Variants in PDLIM3 observed in about 807,000 individuals in gnomAD.
PDLIM3 encodes the protein PDZ and LIM domain 3.
PDLIM3 carries 36 observed loss-of-function variants against 37.3 expected under a neutral mutation model. The ratio of observed to expected loss-of-function variants is 0.97; its 90% confidence interval spans 0.74 to 1.28. PDLIM3 has a LOEUF of 1.28. PDLIM3 is among the 50% of genes most tolerant of loss of function. PDLIM3 has a pLI of 0.00. For synonymous variants in PDLIM3, 174 were observed against 182.4 expected (o/e 0.95, Z 0.37); for missense variants, 454 against 485.0 (o/e 0.94, Z 0.60).
chr4:185,524,826 C>CT (rs1223988300), intron 2 of PDLIM3, among the ~76,000 whole-genome samples, 194 bp downstream of exon 2: 1 of 152,080 alleles, frequency 6.6e-6, no homozygotes, highest in Non-Finnish European at 1.5e-5. Flanking sequence ...CCAGAGAATC[C>CT]TTTTTAGAAA....
At chr4:185,508,760 T>A (rs191445281) in intron 4 of PDLIM3, among the ~76,000 whole-genome samples, 198 bp from the exon 5 acceptor site, 37 of 152,380 alleles carry the variant, frequency 2.4e-4, no homozygotes, top group African/African-American at 8.7e-4. Flanking sequence ...AAATTCATGA[T>A]TGAAAAAAGT....
intron 1 of PDLIM3, among the ~76,000 whole-genome samples, chr4:185,527,746 TTTTC>T (rs1172693839): frequency 1.3e-5 from 2 of 152,194 alleles, no homozygotes; most frequent in East Asian, 1.9e-4. Context: ...ACTAGAATAA[TTTTC>T]TTTGAGTTAA....
Position 185,523,402 on chromosome 4 carries a change from T to G in PDLIM3, c.290A>C (p.Lys97Thr), listed in dbSNP as rs1354733261. 19 of 1,612,538 alleles carry G rather than the reference T, an allele frequency of 1.2e-5. No individual in the cohort carries two copies. The highest frequency in any genetic ancestry group is 1.6e-5 in the Non-Finnish European group (19 of 1,178,664). Reference protein sequence around the residue: ...LWSPQVSEDGKAHPFKINLES... With the variant: ...LWSPQVSEDGTAHPFKINLES... ...TAAGTTGATTTTGAAAGGATGGGCT[T>G]TCCCATCTTCAGATACTTGTGGAGA... Residue 97 changes from lysine (K) to threonine (T), a missense_variant, in exon 3 of 8, where the codon AAA (lysine) becomes ACA (threonine). Coordinates refer to ENST00000284767, the MANE Select transcript of PDLIM3 (RefSeq NM_014476.6).
Position 185,514,256 on chromosome 4 carries a change from T to G in PDLIM3, c.398+14A>C, listed in dbSNP as rs1429975483. On this transcript the variant is annotated intron_variant, in intron 4 of 7. Transcript: ENST00000284767. This position sits in a 1 kb window ranked among gnomAD's most constrained non-coding sequence, Gnocchi z 4.0. ...AGCATGCACTGCAAACTCCACAGTCTCAGCGCTTATGACCTGCTTCGGCCC... is the reference window on the plus strand; with the variant it reads ...AGCATGCACTGCAAACTCCACAGTCGCAGCGCTTATGACCTGCTTCGGCCC... 1.2e-6 allele frequency: 2 copies of G among 1,614,236 alleles called. No individual in the cohort carries two copies. Among genetic ancestry groups the G allele is most frequent in the South Asian group, 2.2e-5 (2 of 91,084 alleles).
rs544080520 is a variant in PDLIM3, at chr4:185,535,476, C to G, written c.-42G>C. ...CCACCGGGCTCTAAGTGTCCCCGCG[C>G]AGGGCAGCCACTCCGCGCCGGGCGG... On this transcript the variant is annotated 5_prime_UTR_variant, in exon 1 of 8. Coordinates refer to ENST00000284767, the MANE Select transcript of PDLIM3 (RefSeq NM_014476.6). 6.6e-7 allele frequency: 1 copy of G among 1,511,570 alleles called. No homozygotes were observed. The highest frequency in any genetic ancestry group is 2.6e-5 in the East Asian group (1 of 39,004). 93.6% of individuals were successfully genotyped at this position (1,511,570 alleles called of 1,614,324 possible).
chr4:185,512,589 C>T, intron 4 of PDLIM3: 2 of 888,836 alleles, frequency 2.3e-6, no homozygotes, highest in Non-Finnish European at 2.7e-6. Flanking sequence ...GATTCTCTGA[C>T]TTTCCTGACT....
At chr4:185,517,559 T>G (rs755453351) in intron 3 of PDLIM3, 1 of 151,964 alleles carries the variant, frequency 6.6e-6, no homozygotes, top group Non-Finnish European at 1.5e-5. Context: ...ATTTGTGCAT[T>G]AATAATCTCT....
intron 1 of PDLIM3, among the ~76,000 whole-genome samples, chr4:185,533,443 A>G (rs1210237965): frequency 6.6e-6 from 1 of 152,208 alleles, no homozygotes; most frequent in African/African-American, 2.4e-5. Flanking sequence ...GTTCTTATTT[A>G]TTCAATAAGA....
At chr4:185,512,537 G>C in intron 4 of PDLIM3, 1 of 348,748 alleles carries the variant, frequency 2.9e-6, no homozygotes, top group Non-Finnish European at 4.0e-6. Context: ...CTATGTTTAA[G>C]TTAAAATGAA....
At chr4:185,529,533 C>T (rs1471342514) in intron 1 of PDLIM3, among the ~76,000 whole-genome samples, 3 of 152,178 alleles carry the variant, frequency 2.0e-5, no homozygotes, top group African/African-American at 4.8e-5. Flanking sequence ...ATTCTCCATC[C>T]CTAGCAAATA....
chr4:185,510,912 GTCACTGTGGATA>G (rs777165211), intron 4 of PDLIM3, among the ~76,000 whole-genome samples: 3 of 152,208 alleles, frequency 2.0e-5, no homozygotes, highest in Non-Finnish European at 4.4e-5. Context: ...ATGGATTCCA[GTCACTGTGGATA>G]TCACTGGGGA....
chr4:185,527,813 G>T (rs930565162), intron 1 of PDLIM3, among the ~76,000 whole-genome samples: 4 of 152,168 alleles, frequency 2.6e-5, no homozygotes, highest in African/African-American at 7.2e-5. Flanking sequence ...GCTTTGGGAG[G>T]CTGAGGTGGA....
chr4:185,518,253 G>A (rs891079991), intron 3 of PDLIM3, among the ~76,000 whole-genome samples: 1 of 152,154 alleles, frequency 6.6e-6, no homozygotes, highest in Admixed American at 6.5e-5. Flanking sequence ...GATGTTAAGA[G>A]GATCCAACCA....
chr4:185,527,960 A>T (rs960918143), intron 1 of PDLIM3, among the ~76,000 whole-genome samples: 2 of 152,134 alleles, frequency 1.3e-5, no homozygotes, highest in Non-Finnish European at 2.9e-5. Flanking sequence ...AGGCTGAGGG[A>T]GGAGGACTGC....
chr4:185,519,662 T>C (rs1286625056), intron 3 of PDLIM3, among the ~76,000 whole-genome samples: 1 of 152,180 alleles, frequency 6.6e-6, no homozygotes, highest in Non-Finnish European at 1.5e-5. Flanking sequence ...CTCCTTAGCT[T>C]AAACCTATTC....
At position 185,505,283 on chromosome 4, in the gene PDLIM3, T is replaced by C. The variant is rs562940501; in HGVS notation, c.794-697A>G. Among the ~76,000 whole-genome samples, 4 of 152,372 alleles carry C rather than the reference T, an allele frequency of 2.6e-5. No homozygotes were observed. In the South Asian group the frequency reaches 8.3e-4, roughly 32 times the overall value. On this transcript the variant is annotated intron_variant, in intron 6 of 7. Coordinates refer to ENST00000284767, the MANE Select transcript of PDLIM3 (RefSeq NM_014476.6). ...TTTTGCTTATCCATTCATCAGTCAATGGACATTGGGTGTTTTCCCTCTTTG... is the reference window on the plus strand; with the variant it reads ...TTTTGCTTATCCATTCATCAGTCAACGGACATTGGGTGTTTTCCCTCTTTG...
rs775283411 is a variant in PDLIM3 at position 185,514,818 on chromosome 4, T to C, written c.331-481A>G. ...TAGGAAGCGCTCACTACCTGTCTTT[T>C]GTCATCAATGTTTGCAGCTGCAACA... On this transcript the variant is annotated intron_variant, in intron 3 of 7. Transcript: ENST00000284767. The surrounding 1 kb of genome is among the most constrained non-coding windows in gnomAD (Gnocchi z 4.0). 8.4e-6 allele frequency: 13 copies of C among 1,551,764 alleles called. No homozygotes were observed. Among genetic ancestry groups the C allele is most frequent in the South Asian group, 3.6e-5 (3 of 84,052 alleles).
intron 3 of PDLIM3, 50 bp downstream of exon 3, chr4:185,523,312 C>T: frequency 7.7e-7 from 1 of 1,305,416 alleles, no homozygotes; most frequent in South Asian, 1.2e-5. Flanking sequence ...AAGGCATCCC[C>T]ATGATTTAAA....
chr4:185,526,747 T>C (rs779883561), intron 1 of PDLIM3, among the ~76,000 whole-genome samples: 2 of 152,174 alleles, frequency 1.3e-5, no homozygotes, highest in Non-Finnish European at 2.9e-5. Context: ...TTCCTTTTAG[T>C]TCCTCATGTA....
Sources: gnomAD v4.1 joint callset for allele counts (sites outside exome capture counted in the v4.1 genomes callset) on GRCh38, gnomAD v4.1.1 for gene constraint, Gnocchi (gnomAD v3.1) non-coding constraint, MANE v1.5 for transcripts, NCBI Gene and HGNC (gene_info 2026-07-23, HGNC 2026-07-21) for gene names.